Variants in EPHA6 observed in about 807,000 individuals in gnomAD.
The protein encoded by EPHA6 is EPH receptor A6.
EPHA6 carries 50 observed loss-of-function variants against 112.0 expected under a neutral mutation model. That is an observed-to-expected ratio of 0.45 (90% CI 0.36 to 0.56). EPHA6 has a LOEUF of 0.56. EPHA6 is among the 20% of genes least tolerant of loss of function. The pLI is 0.00. For synonymous variants in EPHA6, 529 were observed against 490.7 expected, an observed-to-expected ratio of 1.08 and a Z score of -1.03; for missense variants, 1,280 against 1,417.4, an observed-to-expected ratio of 0.90 and a Z score of 1.56.
intron 12 of EPHA6, among the ~76,000 whole-genome samples, chr3:97,604,056 T>C (rs2093661962): frequency 6.6e-6 from 1 of 151,836 alleles, no homozygotes; most frequent in Non-Finnish European, 1.5e-5. Flanking sequence ...CTATTCTCTG[T>C]TTTAAACACA....
At chr3:97,420,611 T>C (rs1014360983) in intron 6 of EPHA6, among the ~76,000 whole-genome samples, 5 of 152,048 alleles carry the variant, frequency 3.3e-5, no homozygotes, top group African/African-American at 4.8e-5. Context: ...GTCATTTTTT[T>C]CCCCCATCTT....
intron 3 of EPHA6, among the ~76,000 whole-genome samples, chr3:97,091,228 T>C (rs548358335): frequency 6.6e-6 from 1 of 152,124 alleles, no homozygotes; most frequent in Non-Finnish European, 1.5e-5. Context: ...CTATATGATA[T>C]GGAAAATTCC....
At position 97,155,564 on chromosome 3, in the gene EPHA6, G is replaced by A. The variant is rs184394721; in HGVS notation, c.1115-70700G>A. On this transcript the variant is annotated intron_variant, in intron 3 of 17. Transcript: ENST00000389672. ...AGTCTTTTTACCCCAGATCCAGGTT[G>A]ACTTGACTGACATCATTGTTCTGAG... Among the ~76,000 whole-genome samples, 616 of 152,270 alleles carry A rather than the reference G, an allele frequency of 4.0e-3. 5 individuals are homozygous for A. Among genetic ancestry groups the A allele is most frequent in the African/African-American group, 0.014 (577 of 41,564 alleles).
chr3:97,343,585 G>C (rs1481013328), intron 5 of EPHA6, among the ~76,000 whole-genome samples: 1 of 152,068 alleles, frequency 6.6e-6, no homozygotes, highest in African/African-American at 2.4e-5. Context: ...GTGTGGGTGT[G>C]ACCCATAGAC....
At chr3:97,435,025 A>G (rs1262965399) in intron 6 of EPHA6, among the ~76,000 whole-genome samples, 1 of 152,060 alleles carries the variant, frequency 6.6e-6, no homozygotes, top group East Asian at 1.9e-4. Flanking sequence ...CAGAGCTCCA[A>G]GACAAAAGTT....
rs118129328 is a variant in EPHA6 at position 97,414,326 on chromosome 3, T to C, written c.1731+9052T>C. 8.0e-4 allele frequency among the ~76,000 whole-genome samples: 122 copies of C among 152,172 alleles called. 2 individuals carry two copies. The East Asian group carries it at 0.023, about 28-fold the overall frequency. ...CAACCAATTCTCCCAACTCTGATAT[T>C]TGGCTCATCTTTTCTAATTGTTAAT... On this transcript the variant is annotated intron_variant, in intron 6 of 17. Coordinates refer to ENST00000389672, the MANE Select transcript of EPHA6 (RefSeq NM_001080448.3).
chr3:97,492,527 G>T (rs1030829452), intron 10 of EPHA6, among the ~76,000 whole-genome samples: 1 of 106,442 alleles, frequency 9.4e-6, no homozygotes, highest in African/African-American at 3.4e-5. Flanking sequence ...GGGTGACAGA[G>T]CGAGAGTGAG....
At chr3:96,838,356 A>G (rs942828390) in intron 1 of EPHA6, among the ~76,000 whole-genome samples, 2 of 152,242 alleles carry the variant, frequency 1.3e-5, no homozygotes, top group Non-Finnish European at 2.9e-5. Flanking sequence ...GCTTCAGTGA[A>G]CGTACACAGG....
At chr3:96,956,540 G>A (rs1553673156) in intron 2 of EPHA6, among the ~76,000 whole-genome samples, 1 of 152,162 alleles carries the variant, frequency 6.6e-6, no homozygotes, top group Non-Finnish European at 1.5e-5. Flanking sequence ...AAGACGATAT[G>A]TGAAGTGAAC....
intron 6 of EPHA6, among the ~76,000 whole-genome samples, chr3:97,421,354 C>T (rs188354781): frequency 7.8e-4 from 119 of 152,024 alleles, no homozygotes; most frequent in South Asian, 1.5e-3. Context: ...CATTTCTATA[C>T]GTCAGCATCA....
intron 2 of EPHA6, among the ~76,000 whole-genome samples, chr3:96,935,797 T>C (rs1051963256): frequency 2.7e-5 from 4 of 150,406 alleles, no homozygotes; most frequent in Non-Finnish European, 5.9e-5. Flanking sequence ...ATGTTTCTGA[T>C]CTAATTTACA....
chr3:97,093,962 T>G (rs1426607816), intron 3 of EPHA6, among the ~76,000 whole-genome samples: 4 of 152,076 alleles, frequency 2.6e-5, no homozygotes, highest in African/African-American at 9.7e-5. Flanking sequence ...AGTAACTATA[T>G]CGCTTCAGAT....
At chr3:97,697,085 AG>A (rs1412808969) in intron 14 of EPHA6, among the ~76,000 whole-genome samples, 1 of 152,176 alleles carries the variant, frequency 6.6e-6, no homozygotes, top group Non-Finnish European at 1.5e-5. Flanking sequence ...AAACCTCATC[AG>A]TGAATGAAAT....
chr3:96,961,087 T>C (rs1256301690), intron 2 of EPHA6, among the ~76,000 whole-genome samples: 3 of 151,982 alleles, frequency 2.0e-5, no homozygotes, highest in Non-Finnish European at 4.4e-5. Flanking sequence ...CCTAGAAGTA[T>C]TAAGAAGAGA....
chr3:97,384,242 C>G (rs1316590458), intron 5 of EPHA6, among the ~76,000 whole-genome samples: 2 of 152,034 alleles, frequency 1.3e-5, no homozygotes, highest in Non-Finnish European at 2.9e-5. Context: ...TCCTCACAAC[C>G]TGAATGTTGG....
chr3:97,092,097 TAAA>T (rs140070277), intron 3 of EPHA6, among the ~76,000 whole-genome samples: 2,946 of 138,912 alleles, frequency 0.021, 83 homozygotes, highest in African/African-American at 0.077. Context: ...TTTTTTTTTT[TAAA>T]AAAAAAAAGC....
intron 10 of EPHA6, among the ~76,000 whole-genome samples, chr3:97,487,613 A>G (rs2091728563): frequency 6.6e-6 from 1 of 152,178 alleles, no homozygotes. Context: ...CTGTACATAT[A>G]TTCTTAACAT....
intron 3 of EPHA6, among the ~76,000 whole-genome samples, chr3:97,035,489 G>C (rs1330283045): frequency 6.6e-6 from 1 of 151,714 alleles, no homozygotes; most frequent in Non-Finnish European, 1.5e-5. Flanking sequence ...ACAGTGATAT[G>C]CTCCTTCTAG....
chr3:97,045,113 A>G (rs1687615628), intron 3 of EPHA6, among the ~76,000 whole-genome samples: 3 of 152,074 alleles, frequency 2.0e-5, no homozygotes, highest in Admixed American at 2.0e-4. Flanking sequence ...ATATGGATGC[A>G]AATATTTTAA....
Sources: gnomAD v4.1 joint callset for allele counts (sites outside exome capture counted in the v4.1 genomes callset) on GRCh38, gnomAD v4.1.1 for gene constraint, MANE v1.5 for transcripts, NCBI Gene and HGNC (gene_info 2026-07-23, HGNC 2026-07-21) for gene names.